Variants in SRGAP2 observed in about 807,000 individuals in gnomAD.
The protein encoded by SRGAP2 is SLIT-ROBO Rho GTPase activating protein 2.
A neutral mutation model predicts 57.2 loss-of-function variants in SRGAP2; 15 were observed. The ratio of observed to expected loss-of-function variants is 0.26; its 90% CI spans 0.18 to 0.40. The LOEUF is 0.40. Ranked by LOEUF, SRGAP2 falls within the 10% of genes least tolerant of loss-of-function variation. SRGAP2 has a pLI of 1.00. For synonymous variants in SRGAP2, 249 were observed against 248.0 expected (o/e 1.00, Z -0.04); for missense variants, 520 against 669.6 (o/e 0.78, Z 2.47).
At chr1:206,327,014 C>G (rs1209212917) in intron 3 of SRGAP2, among the ~76,000 whole-genome samples, 6 of 151,976 alleles carry the variant, frequency 3.9e-5, no homozygotes, top group Non-Finnish European at 7.4e-5. Context: ...GGCAACAGAG[C>G]AAGACCCCAT....
chr1:206,229,579 A>G (rs1225240611), intron 2 of SRGAP2, among the ~76,000 whole-genome samples: 21 of 152,102 alleles, frequency 1.4e-4, no homozygotes, highest in Non-Finnish European at 1.6e-4. Context: ...GTTCCTTGAA[A>G]AGAAGGAAGG....
At position 206,458,768 on chromosome 1, in the gene SRGAP2, C is replaced by T. The variant is rs528938907; in HGVS notation, c.2653C>T (p.Leu885Phe). ...PSSQPIMSQS[L>F]PKEGPDKCSI... ...CTCCCAGCCCATCATGAGCCAGAGC[C>T]TCCCCAAAGAAGGGCCAGATAAGTG... Residue 885 changes from leucine (L) to phenylalanine (F), a missense_variant, in exon 22 of 23, where the codon CTC becomes TTC. Leu to Phe is a conservative substitution (Grantham distance 22). This residue lies in a region of SRGAP2 where 478 missense variants were observed against 373.6 expected (regional missense o/e 1.28). Coordinates refer to ENST00000573034, the MANE Select transcript of SRGAP2 (RefSeq NM_015326.5). 3.8e-6 allele frequency: 3 copies of T among 780,852 alleles called. No individual in the cohort carries two copies. Among genetic ancestry groups the T allele is most frequent in the African/African-American group, 3.4e-5 (2 of 59,272 alleles). The allele number at this position is 780,852 out of a possible 1,614,324, so 48.4% of individuals were successfully genotyped here.
At chr1:206,369,028 T>G (rs2103015775) in intron 4 of SRGAP2, among the ~76,000 whole-genome samples, 1 of 152,304 alleles carries the variant, frequency 6.6e-6, no homozygotes, top group Admixed American at 6.5e-5. Flanking sequence ...ATCCTAGACC[T>G]AATATATCTC....
chr1:206,252,321 G>T (rs1394870824), intron 2 of SRGAP2, among the ~76,000 whole-genome samples: 1 of 151,630 alleles, frequency 6.6e-6, no homozygotes, highest in Non-Finnish European at 1.5e-5. Context: ...TGCCTTAGAC[G>T]CAAGCAAAAA....
intron 7 of SRGAP2, among the ~76,000 whole-genome samples, chr1:206,394,628 CT>C (rs1226273638): frequency 6.6e-6 from 1 of 152,168 alleles, no homozygotes; most frequent in Non-Finnish European, 1.5e-5. Flanking sequence ...CCAGCTCCCC[CT>C]GACATCTGGC....
chr1:206,354,582 G>A (rs1445304719), intron 4 of SRGAP2, among the ~76,000 whole-genome samples: 1 of 152,158 alleles, frequency 6.6e-6, no homozygotes, highest in East Asian at 1.9e-4. Flanking sequence ...TTCAATTGTT[G>A]ATGGCATTTG....
chr1:206,302,473 G>A (rs1308671750), intron 2 of SRGAP2, among the ~76,000 whole-genome samples: 2 of 150,986 alleles, frequency 1.3e-5, no homozygotes, highest in Non-Finnish European at 3.0e-5. Flanking sequence ...AGTATTTCTA[G>A]CTATGACACT....
At position 206,372,972 on chromosome 1, in the gene SRGAP2, T is replaced by C. The variant is rs377077811; in HGVS notation, c.424-11042T>C. Among the ~76,000 whole-genome samples the C allele has an allele frequency of 1.7e-3, 60 of 35,460 alleles. 2 individuals are homozygous for C. The highest frequency in any genetic ancestry group is 0.013 in the South Asian group (12 of 928). The allele number at this position is 35,460 out of a possible 152,430, so 23.3% of individuals were successfully genotyped here. A position where few individuals can be genotyped will look rare whatever the true frequency, so the allele number is the denominator to read the frequency against. On this transcript the variant is annotated intron_variant, in intron 4 of 22. Coordinates refer to ENST00000573034, the MANE Select transcript of SRGAP2 (RefSeq NM_015326.5). Reference sequence around the variant, plus strand: ...CTTTCTTTCTTTTCTTTCCTTTCTTTCTTTCTTTCTTTCTTTCTTTCTTTC... The same window carrying C: ...CTTTCTTTCTTTTCTTTCCTTTCTTCCTTTCTTTCTTTCTTTCTTTCTTTC...
intron 13 of SRGAP2, among the ~76,000 whole-genome samples, chr1:206,427,507 T>C (rs1487253301): frequency 6.6e-6 from 1 of 152,194 alleles, no homozygotes; most frequent in Non-Finnish European, 1.5e-5. Flanking sequence ...TTTGGCATCA[T>C]CCCTGGTTCC....
intron 12 of SRGAP2, 112 bp downstream of exon 12, chr1:206,419,512 C>A: frequency 1.3e-6 from 1 of 744,952 alleles, no homozygotes; most frequent in Non-Finnish European, 2.5e-6. Flanking sequence ...AATGACTTTA[C>A]AAAGCAATGG....
intron 13 of SRGAP2, among the ~76,000 whole-genome samples, chr1:206,427,747 G>A (rs34837086): frequency 0.025 from 3,844 of 152,178 alleles, 79 homozygotes; most frequent in African/African-American, 0.058. Flanking sequence ...AGTTAAGTTC[G>A]GTCCCCTCTC....
At chr1:206,255,780 AT>A (rs1553312205) in intron 2 of SRGAP2, among the ~76,000 whole-genome samples, 1 of 151,986 alleles carries the variant, frequency 6.6e-6, no homozygotes, top group African/African-American at 2.4e-5. Context: ...AAGATAAGAT[AT>A]GTGAAAGAGA....
chr1:206,415,832 A>AT (rs1553361582), intron 10 of SRGAP2, 57 bp from the exon 11 acceptor site: 9 of 735,980 alleles, frequency 1.2e-5, no homozygotes, highest in Middle Eastern at 2.3e-4. Flanking sequence ...AGCATCTGTG[A>AT]TTTTTTTCTT....
chr1:206,449,447 C>CTTTTTTTTTTTT (rs60880671), intron 18 of SRGAP2, among the ~76,000 whole-genome samples: 1 of 138,786 alleles, frequency 7.2e-6, no homozygotes, highest in African/African-American at 2.7e-5. Context: ...TGCACACTGG[C>CTTTTTTTTTTTT]TTTTTTTTTT....
At chr1:206,332,687 C>G (rs78669414) in intron 3 of SRGAP2, among the ~76,000 whole-genome samples, 15,551 of 129,418 alleles carry the variant, frequency 0.12, 1,076 homozygotes, top group African/African-American at 0.22. Flanking sequence ...TCTCTGTATT[C>G]GTTATTCTAG....
chr1:206,428,367 A>G (rs1434329704), intron 13 of SRGAP2, among the ~76,000 whole-genome samples: 1 of 144,900 alleles, frequency 6.9e-6, no homozygotes, highest in African/African-American at 2.6e-5. Context: ...CAGTGACCTG[A>G]GATCGCACCA....
Position 206,461,492 on chromosome 1 carries a change from C to T in SRGAP2, c.*72C>T, listed in dbSNP as rs1473704563. The T allele has an allele frequency of 3.0e-6, 2 of 666,890 alleles. No homozygotes were observed. The highest frequency in any genetic ancestry group is 1.8e-5 in the African/African-American group (1 of 55,602). 41.3% of individuals were successfully genotyped at this position (666,890 alleles called of 1,614,324 possible). The stretch of plus-strand genomic sequence containing the variant: ...CTGTTATTAAAATCTTCCTATTTAA[C>T]TAGCTTGGGGACTTCAGTTGAAAAT... On this transcript the variant is annotated 3_prime_UTR_variant, in exon 23 of 23. Coordinates refer to ENST00000573034, the MANE Select transcript of SRGAP2 (RefSeq NM_015326.5).
At chr1:206,370,746 T>C (rs550992998) in intron 4 of SRGAP2, among the ~76,000 whole-genome samples, 1 of 152,350 alleles carries the variant, frequency 6.6e-6, no homozygotes, top group Admixed American at 6.5e-5. Context: ...GTACAGTGTG[T>C]GAATTATATC....
At chr1:206,428,855 C>T (rs1199689248) in intron 13 of SRGAP2, among the ~76,000 whole-genome samples, 1 of 152,006 alleles carries the variant, frequency 6.6e-6, no homozygotes, top group Non-Finnish European at 1.5e-5. Context: ...AGTCTGTTGC[C>T]CAGGCTGGTC....
Sources: gnomAD v4.1 joint callset for allele counts (sites outside exome capture counted in the v4.1 genomes callset) on GRCh38, gnomAD v4.1.1 for gene constraint, gnomAD v4.1.1 regional missense constraint, MANE v1.5 for transcripts, NCBI Gene and HGNC (gene_info 2026-07-23, HGNC 2026-07-21) for gene names.